The following GRM7 variants were observed in gnomAD, a reference collection of about 807,000 sequenced individuals.
GRM7 encodes the protein glutamate metabotropic receptor 7.
GRM7 carries 35 observed loss-of-function variants against 84.5 expected under a neutral mutation model. The observed-to-expected ratio is 0.41, with a 90% CI of 0.32 to 0.55. The LOEUF (loss-of-function observed/expected upper bound fraction) is 0.55. Among genes scored for constraint, GRM7 ranks in the 20% least tolerant of loss-of-function variants. The pLI is 0.19. For synonymous variants in GRM7, 487 were observed against 455.1 expected, an observed-to-expected ratio of 1.07 and a Z score of -0.89; for missense variants, 1,003 against 1,194.6, an observed-to-expected ratio of 0.84 and a Z score of 2.36.
intron 7 of GRM7, among the ~76,000 whole-genome samples, chr3:7,465,620 G>C (rs1324905984): frequency 6.6e-6 from 1 of 152,040 alleles, no homozygotes; most frequent in African/African-American, 2.4e-5. Context: ...CGGTTTTGTA[G>C]GTTTGCTTTC....
chr3:7,177,762 T>G (rs557927398), intron 2 of GRM7, among the ~76,000 whole-genome samples: 2 of 152,342 alleles, frequency 1.3e-5, no homozygotes, highest in Admixed American at 6.5e-5. Context: ...ACCTCTTTCT[T>G]AATGTATGTG....
intron 1 of GRM7, among the ~76,000 whole-genome samples, chr3:6,911,816 C>A (rs899429946): frequency 5.3e-5 from 8 of 152,082 alleles, no homozygotes; most frequent in Admixed American, 3.9e-4. Context: ...TAAAAAATAT[C>A]ATTCTTAAAA....
intron 1 of GRM7, among the ~76,000 whole-genome samples, chr3:7,064,517 T>TATAC (rs1202450804): frequency 8.7e-4 from 97 of 111,870 alleles, no homozygotes; most frequent in Middle Eastern, 4.6e-3. Flanking sequence ...TATATATATA[T>TATAC]ACACACACAC....
At chr3:7,522,113 C>T (rs2124992208) in intron 7 of GRM7, among the ~76,000 whole-genome samples, 1 of 152,144 alleles carries the variant, frequency 6.6e-6, no homozygotes, top group Middle Eastern at 3.4e-3. Context: ...TAGACCGTAG[C>T]CTCTGAAATC....
rs550174966 is a variant in GRM7, at chr3:7,098,981, C to G, written c.520-47471C>G. ...CTGTGGGTTTTTCTTTATTTCAGTA[C>G]TTATGAAGTTTTAGCATTATCTTTT... On this transcript the variant is annotated intron_variant, in intron 1 of 9. Transcript: ENST00000357716. Among the ~76,000 whole-genome samples the G allele has an allele frequency of 4.6e-5, 7 of 151,770 alleles. No homozygotes were observed. In the South Asian group the frequency reaches 1.2e-3, roughly 27 times the overall value.
intron 8 of GRM7, among the ~76,000 whole-genome samples, chr3:7,644,019 T>TACACAC (rs944810085): frequency 1.1e-5 from 1 of 88,924 alleles, no homozygotes; most frequent in Non-Finnish European, 2.3e-5. Context: ...TATATATATA[T>TACACAC]ACACACACAC....
intron 7 of GRM7, among the ~76,000 whole-genome samples, chr3:7,468,249 G>A (rs1346030395): frequency 6.6e-6 from 1 of 152,174 alleles, no homozygotes; most frequent in East Asian, 1.9e-4. Flanking sequence ...TCAAAATCTA[G>A]TACTTCTTCA....
rs373472933 is a variant in GRM7, at chr3:7,348,272, AT to A, written c.1033+41627del. ...TTGATCTCCATTATTTGCTAATACC[AT>A]TTTTTTCTCCCACTAGGTCTGTTGC... On this transcript the variant is annotated intron_variant, in intron 4 of 9. Coordinates refer to ENST00000357716, the MANE Select transcript of GRM7 (RefSeq NM_000844.4). 1.2e-4 allele frequency among the ~76,000 whole-genome samples: 18 copies of A among 151,942 alleles called. 1 individual carries two copies. In the East Asian group the frequency reaches 2.7e-3, roughly 23 times the overall value.
At chr3:7,418,919 T>C (rs1480980657) in intron 5 of GRM7, among the ~76,000 whole-genome samples, 1 of 152,200 alleles carries the variant, frequency 6.6e-6, no homozygotes, top group Non-Finnish European at 1.5e-5. Context: ...TTCTTATTTT[T>C]GAAGTGAGAA....
chr3:7,227,834 AAG>A (rs1697032514), intron 2 of GRM7, among the ~76,000 whole-genome samples: 1 of 152,186 alleles, frequency 6.6e-6, no homozygotes, highest in Admixed American at 6.5e-5. Context: ...TAACATAAAA[AAG>A]AGAGAGGAAG....
chr3:7,508,265 T>G (rs756759450), intron 7 of GRM7, among the ~76,000 whole-genome samples: 2 of 152,148 alleles, frequency 1.3e-5, no homozygotes, highest in African/African-American at 4.8e-5. Flanking sequence ...ATTAGCCATG[T>G]GAGAAAAAAT....
chr3:6,974,325 T>C (rs558119375), intron 1 of GRM7, among the ~76,000 whole-genome samples: 1 of 152,282 alleles, frequency 6.6e-6, no homozygotes, highest in South Asian at 2.1e-4. Flanking sequence ...CTAGTGGAGA[T>C]GTTGAATAGA....
At chr3:7,594,331 T>C (rs145436547) in intron 8 of GRM7, among the ~76,000 whole-genome samples, 151 of 152,286 alleles carry the variant, frequency 9.9e-4, no homozygotes, top group African/African-American at 3.3e-3. Flanking sequence ...TAGTGTGTAA[T>C]GCCAGGGGCT....
intron 4 of GRM7, among the ~76,000 whole-genome samples, chr3:7,408,680 C>T (rs1575291969): frequency 6.6e-6 from 1 of 152,312 alleles, no homozygotes; most frequent in East Asian, 1.9e-4. Context: ...GAAACTGACA[C>T]CTGTAACACT....
intron 4 of GRM7, among the ~76,000 whole-genome samples, chr3:7,346,081 T>G (rs6775292): frequency 0.38 from 57,678 of 151,846 alleles, 11,135 homozygotes; most frequent in South Asian, 0.45. Flanking sequence ...CTAGGAGACC[T>G]GTGGTAAATA....
At chr3:7,507,793 T>C (rs1033036380) in intron 7 of GRM7, among the ~76,000 whole-genome samples, 2 of 152,198 alleles carry the variant, frequency 1.3e-5, no homozygotes, top group African/African-American at 2.4e-5. Flanking sequence ...CACTGTAAAA[T>C]TTGGGGCTCA....
At chr3:6,962,679 A>T (rs999521015) in intron 1 of GRM7, among the ~76,000 whole-genome samples, 2 of 152,206 alleles carry the variant, frequency 1.3e-5, no homozygotes, top group Admixed American at 6.5e-5. Flanking sequence ...AAGGTCACAC[A>T]ACTAGTAGTG....
At chr3:7,214,355 G>A (rs1167513550) in intron 2 of GRM7, among the ~76,000 whole-genome samples, 1 of 152,200 alleles carries the variant, frequency 6.6e-6, no homozygotes, top group Non-Finnish European at 1.5e-5. Flanking sequence ...AGCCTCTCAT[G>A]TGTTCCAAAC....
rs375287053 is a variant in GRM7, at chr3:6,930,433, A to C, written c.519+68526A>C. On this transcript the variant is annotated intron_variant, in intron 1 of 9. Transcript: ENST00000357716. ...GATTATAACACATCAAATTATATCC[A>C]AATAGGTTCTCAATATGTAGTGTAG... 7.2e-5 allele frequency among the ~76,000 whole-genome samples: 11 copies of C among 152,318 alleles called. No individual in the cohort carries two copies. The East Asian group carries it at 2.1e-3, about 29-fold the overall frequency.
Sources: gnomAD v4.1 joint callset for allele counts (sites outside exome capture counted in the v4.1 genomes callset) on GRCh38, gnomAD v4.1.1 for gene constraint, MANE v1.5 for transcripts, NCBI Gene and HGNC (gene_info 2026-07-23, HGNC 2026-07-21) for gene names.